The following TBC1D5 variants were observed in gnomAD, a reference collection of about 807,000 sequenced individuals.
The protein encoded by TBC1D5 is TBC1 domain family, member 5.
In TBC1D5, 75 loss-of-function variants were observed where a neutral mutation model predicts 100.3. That is an observed-to-expected ratio of 0.75 (90% CI 0.62 to 0.91). The LOEUF (loss-of-function observed/expected upper bound fraction) is 0.91. Among genes scored for constraint, TBC1D5 ranks in the 40% least tolerant of loss-of-function variants. The pLI, the probability that TBC1D5 is intolerant of heterozygous loss-of-function variation, is 0.00. For synonymous variants in TBC1D5, 323 were observed against 325.6 expected (o/e 0.99, Z 0.09); for missense variants, 910 against 942.4 (o/e 0.97, Z 0.45).
exon 17 of TBC1D5, chr3:17,238,170 C>G: frequency 6.2e-7 from 1 of 1,612,440 alleles, no homozygotes; most frequent in South Asian, 1.1e-5. Context: ...TACCTTTGTT[C>G]AATTGCACAG....
chr3:17,689,557 G>A (rs1029723857), intron 1 of TBC1D5, among the ~76,000 whole-genome samples: 3 of 150,188 alleles, frequency 2.0e-5, no homozygotes, highest in African/African-American at 7.3e-5. Flanking sequence ...AGAGAAAAAA[G>A]GGAGGGAGGG....
intron 8 of TBC1D5, among the ~76,000 whole-genome samples, chr3:17,393,134 G>A (rs1180065954): frequency 1.4e-5 from 2 of 147,954 alleles, no homozygotes; most frequent in Admixed American, 1.3e-4. Context: ...TTTTTTCCAT[G>A]TTTGTTGGCC....
chr3:17,167,196 T>C (rs1252777325), intron 20 of TBC1D5, among the ~76,000 whole-genome samples: 1 of 152,276 alleles, frequency 6.6e-6, no homozygotes, highest in South Asian at 2.1e-4. Context: ...CTTAACACTA[T>C]CTTAAAACAG....
At chr3:17,707,550 G>T (rs990939696) in intron 1 of TBC1D5, among the ~76,000 whole-genome samples, 6 of 152,026 alleles carry the variant, frequency 3.9e-5, no homozygotes, top group African/African-American at 1.4e-4. Context: ...CAAAATAGAA[G>T]AAATCTGTCA....
intron 3 of TBC1D5, among the ~76,000 whole-genome samples, chr3:17,479,935 A>G (rs1371050247): frequency 1.3e-5 from 2 of 152,160 alleles, no homozygotes; most frequent in African/African-American, 4.8e-5. Flanking sequence ...AGCTATAGCC[A>G]CACAGCTCCA....
rs755852153 is a variant in TBC1D5, at chr3:17,383,990, G to T, written c.535C>A (p.Gln179Lys). 5.0e-6 allele frequency: 8 copies of T among 1,596,782 alleles called. No individual in the cohort carries two copies. In the South Asian group the frequency reaches 9.0e-5, roughly 18 times the overall value. ...GTAAGAATTTTTCTCACATTTTCTTGCTGGAAAAACTGCATTTCAGGAAAC... is the reference window on the plus strand; with the variant it reads ...GTAAGAATTTTTCTCACATTTTCTTTCTGGAAAAACTGCATTTCAGGAAAC... Residue 179 changes from glutamine (Q) to lysine (K), a missense_variant, in exon 9 of 22, where the codon CAA becomes AAA. Gln to Lys is a moderately conservative substitution (Grantham distance 53). Transcript: ENST00000253692.
At chr3:17,392,756 G>A (rs1011553664) in intron 8 of TBC1D5, among the ~76,000 whole-genome samples, 1 of 152,064 alleles carries the variant, frequency 6.6e-6, no homozygotes, top group Non-Finnish European at 1.5e-5. Flanking sequence ...TCTTTATCTA[G>A]TCTATCTTTG....
At chr3:17,311,446 T>C (rs1300730318) in intron 13 of TBC1D5, among the ~76,000 whole-genome samples, 1 of 152,048 alleles carries the variant, frequency 6.6e-6, no homozygotes, top group East Asian at 1.9e-4. Context: ...GTCTCTATGT[T>C]TGCATTTATA....
intron 1 of TBC1D5, among the ~76,000 whole-genome samples, chr3:17,660,471 C>A (rs571417072): frequency 6.6e-6 from 1 of 152,284 alleles, no homozygotes; most frequent in African/African-American, 2.4e-5. Flanking sequence ...CTTAATTAAA[C>A]CAAACAGCAC....
upstream of TBC1D5, among the ~76,000 whole-genome samples, chr3:17,741,377 A>G (rs1210232398): frequency 1.3e-5 from 2 of 152,250 alleles, no homozygotes; most frequent in Non-Finnish European, 2.9e-5. Flanking sequence ...CCAAAGAGAA[A>G]AACCAATATA....
intron 18 of TBC1D5, among the ~76,000 whole-genome samples, chr3:17,196,611 T>G (rs145654259): frequency 6.6e-6 from 1 of 152,248 alleles, no homozygotes; most frequent in Non-Finnish European, 1.5e-5. Flanking sequence ...TGATGAGGAG[T>G]CAAAGCATAT....
intron 3 of TBC1D5, among the ~76,000 whole-genome samples, chr3:17,455,743 G>C (rs2095069979): frequency 1.3e-5 from 2 of 152,062 alleles, no homozygotes; most frequent in South Asian, 2.1e-4. Flanking sequence ...GGAGGCTGAG[G>C]TGGGAGAATT....
intron 3 of TBC1D5, among the ~76,000 whole-genome samples, chr3:17,487,177 G>A (rs1303600913): frequency 6.6e-6 from 1 of 152,052 alleles, no homozygotes; most frequent in Non-Finnish European, 1.5e-5. Context: ...AAAGTGGTAT[G>A]AACTAAAATT....
chr3:17,455,488 ATG>A (rs1576080308), intron 3 of TBC1D5, among the ~76,000 whole-genome samples: 4 of 138,238 alleles, frequency 2.9e-5, no homozygotes, highest in South Asian at 4.4e-4. Flanking sequence ...ATGTATATAT[ATG>A]TGTATATATA....
chr3:17,519,567 C>T (rs1020834392), intron 2 of TBC1D5, among the ~76,000 whole-genome samples: 15 of 152,158 alleles, frequency 9.9e-5, no homozygotes, highest in Non-Finnish European at 4.4e-5. Context: ...GGTTGGTTTT[C>T]GACTAACTTC....
At chr3:17,288,521 C>T (rs2081389777) in intron 15 of TBC1D5, among the ~76,000 whole-genome samples, 2 of 152,134 alleles carry the variant, frequency 1.3e-5, no homozygotes, top group South Asian at 4.1e-4. Context: ...CTAACCTTTC[C>T]TAATTGGTTT....
At chr3:17,355,135 T>C (rs2091090307) in intron 13 of TBC1D5, among the ~76,000 whole-genome samples, 1 of 152,164 alleles carries the variant, frequency 6.6e-6, no homozygotes, top group South Asian at 2.1e-4. Context: ...CCAAGGTTTT[T>C]ATAGAACTCT....
At position 17,704,525 on chromosome 3, in the gene TBC1D5, G is replaced by A. The variant is rs1488736121; in HGVS notation, c.-101+34818C>T. 5.3e-4 allele frequency among the ~76,000 whole-genome samples: 50 copies of A among 94,298 alleles called. 2 individuals carry two copies. The South Asian group carries it at 0.023, about 44-fold the overall frequency. 61.9% of individuals were successfully genotyped at this position (94,298 alleles called of 152,430 possible). A position where few individuals can be genotyped will look rare whatever the true frequency, so the allele number is the denominator to read the frequency against. On this transcript the variant is annotated intron_variant, in intron 1 of 21. Transcript: ENST00000253692. ...GGGCAGAGGCGCCCCTCACCTCCCG[G>A]ACGGGGCGGCTGGCCGGGCGGGGGG...
At chr3:17,264,575 T>C (rs1440244059) in intron 15 of TBC1D5, among the ~76,000 whole-genome samples, 2 of 151,976 alleles carry the variant, frequency 1.3e-5, no homozygotes, top group African/African-American at 4.8e-5. Context: ...AGCACTAGGG[T>C]AAATATATTG....
Sources: allele counts gnomAD v4.1 joint callset (sites outside exome capture counted in the v4.1 genomes callset), GRCh38; gene constraint gnomAD v4.1.1; transcripts MANE v1.5; gene names NCBI Gene and HGNC (gene_info 2026-07-23, HGNC 2026-07-21).